SUFU: variants seen among roughly 807,000 people sequenced by gnomAD.
The protein encoded by SUFU is SUFU negative regulator of hedgehog signaling, also known as suppressor of fused homolog.
In SUFU, 7 loss-of-function variants were observed where a neutral mutation model predicts 58.9. That is an observed-to-expected ratio of 0.12 (90% CI 0.07 to 0.22). The LOEUF (loss-of-function observed/expected upper bound fraction) is 0.22, where lower values mean the gene tolerates loss of function less well. Ranked by LOEUF, SUFU falls within the 10% of genes least tolerant of loss-of-function variation. SUFU has a pLI of 1.00. For synonymous variants in SUFU, 232 were observed against 254.8 expected (o/e 0.91, Z 0.85); for missense variants, 451 against 641.3 (o/e 0.70, Z 3.20).
At position 102,633,482 on chromosome 10, in the gene SUFU, C is replaced by T; in HGVS notation, c.*3327C>T. 1 of 219,350 alleles carries T rather than the reference C, an allele frequency of 4.6e-6. No individual in the cohort carries two copies. The highest frequency in any genetic ancestry group is 1.9e-4 in the South Asian group (1 of 5,404). The allele number at this position is 219,350 out of a possible 1,614,324, so 13.6% of individuals were successfully genotyped here. Reference sequence around the variant, plus strand: ...GCCTGGGTTGTGTGCTCATTTCTGGCTGCCTGAAGTAGTGGAGCCGGAAGC... The same window carrying T: ...GCCTGGGTTGTGTGCTCATTTCTGGTTGCCTGAAGTAGTGGAGCCGGAAGC... On this transcript the variant is annotated 3_prime_UTR_variant, in exon 12 of 12. Coordinates refer to ENST00000369902, the MANE Select transcript of SUFU (RefSeq NM_016169.4).
Position 102,632,569 on chromosome 10 carries a change from C to T in SUFU, c.*2414C>T, listed in dbSNP as rs999125958. 1.7e-5 allele frequency: 4 copies of T among 233,204 alleles called. No homozygotes were observed. Among genetic ancestry groups the T allele is most frequent in the African/African-American group, 8.8e-5 (4 of 45,342 alleles). 14.4% of individuals were successfully genotyped at this position (233,204 alleles called of 1,614,324 possible). A position where few individuals can be genotyped will look rare whatever the true frequency, so the allele number is the denominator to read the frequency against. On this transcript the variant is annotated 3_prime_UTR_variant, in exon 12 of 12. Coordinates refer to ENST00000369902, the MANE Select transcript of SUFU (RefSeq NM_016169.4). ...CTTAAAGAAGATCAAGCCAAGCTGA[C>T]CTTGGACCCTGTCCAGCACAGCTTC...
chr10:102,630,029 C>T (rs2063823632), intron 11 of SUFU, 37 bp from the exon 12 acceptor site: 2 of 1,583,638 alleles, frequency 1.3e-6, no homozygotes, highest in South Asian at 1.1e-5. Flanking sequence ...TTCTGCTAAC[C>T]ACTCACACTC....
intron 10 of SUFU, among the ~76,000 whole-genome samples, chr10:102,621,958 G>A (rs2063743200): frequency 6.6e-6 from 1 of 152,246 alleles, no homozygotes; most frequent in African/African-American, 2.4e-5. Context: ...GGCAGGCACT[G>A]ACACAAGATC....
intron 3 of SUFU, among the ~76,000 whole-genome samples, chr10:102,563,548 T>TG (rs1269152767): frequency 6.6e-6 from 1 of 151,886 alleles, no homozygotes; most frequent in East Asian, 1.9e-4. Context: ...GGCTTATACG[T>TG]GTACTCCCAG....
chr10:102,618,931 C>CGCGCGTGTGTGTGTGTGTGT (rs370307566), intron 10 of SUFU: 1 of 535,024 alleles, frequency 1.9e-6, no homozygotes, highest in African/African-American at 2.5e-5. Flanking sequence ...CCTCAGGTAG[C>CGCGCGTGTGTGTGTGTGTGT]GTGTGTGTGT....
intron 2 of SUFU, among the ~76,000 whole-genome samples, chr10:102,516,125 C>CTTTTTTTTTT (rs60544094): frequency 6.4e-5 from 8 of 125,574 alleles, no homozygotes; most frequent in South Asian, 2.5e-4. Flanking sequence ...TCTTTCTTTT[C>CTTTTTTTTTT]TTTTTTTTTT....
At chr10:102,551,856 C>T (rs942817894) in intron 3 of SUFU, among the ~76,000 whole-genome samples, 3 of 148,858 alleles carry the variant, frequency 2.0e-5, no homozygotes, top group African/African-American at 7.4e-5. Flanking sequence ...TCCCGAGTAG[C>T]TGCGACTACA....
At chr10:102,621,137 TG>T (rs757749942) in intron 10 of SUFU, among the ~76,000 whole-genome samples, 1 of 152,168 alleles carries the variant, frequency 6.6e-6, no homozygotes, top group Non-Finnish European at 1.5e-5. Context: ...GCTACCCATT[TG>T]GATATTGTGT....
In SUFU at chr10:102,509,115, A is replaced by G. The variant is rs1156291673; in HGVS notation, c.183-54A>G. 4 of 1,612,068 alleles carry G rather than the reference A, an allele frequency of 2.5e-6. No individual in the cohort carries two copies. The East Asian group carries it at 8.9e-5, about 36-fold the overall frequency. ...TTACAAAGTAGAGCGCCTTAGCTTG[A>G]CATTGTCTGATTTCCAGGCTTACAC... On this transcript the variant is annotated intron_variant, in intron 1 of 11. Coordinates refer to ENST00000369902, the MANE Select transcript of SUFU (RefSeq NM_016169.4).
chr10:102,550,835 A>G (rs2062905588), intron 3 of SUFU, among the ~76,000 whole-genome samples: 1 of 149,050 alleles, frequency 6.7e-6, no homozygotes. Flanking sequence ...TATGCCTCCC[A>G]GGTTCAAGTG....
In SUFU at chr10:102,503,977, C is replaced by A; in HGVS notation, c.-176C>A. 2.2e-6 allele frequency: 2 copies of A among 917,568 alleles called. No individual in the cohort carries two copies. The highest frequency in any genetic ancestry group is 3.0e-6 in the Non-Finnish European group (2 of 661,476). The allele number at this position is 917,568 out of a possible 1,614,324, so 56.8% of individuals were successfully genotyped here. On this transcript the variant is annotated 5_prime_UTR_variant, in exon 1 of 12. Coordinates refer to ENST00000369902, the MANE Select transcript of SUFU (RefSeq NM_016169.4). The stretch of plus-strand genomic sequence containing the variant: ...GCCCCGAGGCACCCTCTGGCAGACT[C>A]GGCGGCGGCGACAGCCTGGGCGGAC...
chr10:102,525,606 G>T (rs2062600581), intron 2 of SUFU, among the ~76,000 whole-genome samples: 1 of 152,104 alleles, frequency 6.6e-6, no homozygotes, highest in Non-Finnish European at 1.5e-5. Context: ...AGGTTCCAGC[G>T]ATTCTCCTGC....
At chr10:102,615,431 T>A (rs368364884) in intron 9 of SUFU, 29 bp downstream of exon 9, 2 of 1,613,638 alleles carry the variant, frequency 1.2e-6, no homozygotes, top group African/African-American at 2.7e-5. Context: ...CCACACAGTT[T>A]ACCCCACAGC....
rs986591305 is a variant in SUFU, at chr10:102,619,305, C to T, written c.1296+1877C>T. On this transcript the variant is annotated intron_variant, in intron 10 of 11. Coordinates refer to ENST00000369902, the MANE Select transcript of SUFU (RefSeq NM_016169.4). The surrounding 1 kb of genome is among the most constrained non-coding windows in gnomAD (Gnocchi z 4.2). ...TCCCAGTGCCACAACCCCCTCACCT[C>T]CCTGGCAGCCCCTCAGCGAGCCTGA... 1.9e-5 allele frequency: 28 copies of T among 1,438,950 alleles called. No homozygotes were observed. Among genetic ancestry groups the T allele is most frequent in the Admixed American group, 5.3e-5 (2 of 38,038 alleles). 89.1% of individuals were successfully genotyped at this position (1,438,950 alleles called of 1,614,324 possible).
chr10:102,620,756 C>G (rs550085117), intron 10 of SUFU, among the ~76,000 whole-genome samples: 31 of 152,304 alleles, frequency 2.0e-4, no homozygotes, highest in Admixed American at 5.9e-4. Context: ...TAACAAGCCT[C>G]TCTCCCTTGA....
chr10:102,631,403 C>T lies in SUFU; in HGVS notation c.*1248C>T, dbSNP rs905310963. On this transcript the variant is annotated 3_prime_UTR_variant, in exon 12 of 12. Transcript: ENST00000369902. ...ACTGCAGATCTCACAGTTTGCCTTC[C>T]AGAAGCCAGCCTATCTCTAGCCCAT... 6 of 233,460 alleles carry T rather than the reference C, an allele frequency of 2.6e-5. No individual in the cohort carries two copies. The highest frequency in any genetic ancestry group is 5.1e-5 in the Non-Finnish European group (6 of 118,286). The allele number at this position is 233,460 out of a possible 1,614,324, so 14.5% of individuals were successfully genotyped here.
At chr10:102,514,502 G>A (rs1411048053) in intron 2 of SUFU, among the ~76,000 whole-genome samples, 1 of 152,204 alleles carries the variant, frequency 6.6e-6, no homozygotes, top group Admixed American at 6.5e-5. Context: ...TCTGAAGTTG[G>A]AGAGATGGAA....
intron 8 of SUFU, among the ~76,000 whole-genome samples, chr10:102,606,958 G>T (rs535920449): frequency 5.3e-5 from 8 of 152,268 alleles, no homozygotes; most frequent in Admixed American, 2.6e-4. Flanking sequence ...GAGCGGGTTG[G>T]AAGGATCCTC....
intron 3 of SUFU, among the ~76,000 whole-genome samples, chr10:102,587,276 C>G (rs144484047): frequency 1.8e-4 from 27 of 152,202 alleles, no homozygotes; most frequent in African/African-American, 6.5e-4. Context: ...TTTGCAGAAC[C>G]GCCGTACTGT....
Sources: allele counts gnomAD v4.1 joint callset (sites outside exome capture counted in the v4.1 genomes callset), GRCh38; gene constraint gnomAD v4.1.1; non-coding constraint Gnocchi (gnomAD v3.1); transcripts MANE v1.5; gene names NCBI Gene and HGNC (gene_info 2026-07-23, HGNC 2026-07-21).